The following QTMAN variants were observed in gnomAD, a reference collection of about 807,000 sequenced individuals.
The protein encoded by QTMAN is tRNA-queuosine alpha-mannosyltransferase.
At chr2:144,051,630 A>G in the QTMAN span, among the ~76,000 whole-genome samples, 1 of 152,238 alleles carries the variant, frequency 6.6e-6, no homozygotes, top group African/African-American at 2.4e-5. Context: ...CTGATAATCC[A>G]GTTGATGAGA....
chr2:143,976,506 C>T, the QTMAN span, among the ~76,000 whole-genome samples: 107 of 152,292 alleles, frequency 7.0e-4, no homozygotes, highest in African/African-American at 2.5e-3. Flanking sequence ...ATTTACCACC[C>T]TGTCCTAGCT....
chr2:144,292,346 C>T, the QTMAN span, among the ~76,000 whole-genome samples: 1,321 of 152,282 alleles, frequency 8.7e-3, 14 homozygotes, highest in African/African-American at 0.03. Flanking sequence ...GCCTAAAATA[C>T]CCTTTTCCCA....
At chr2:144,116,627 T>C in the QTMAN span, among the ~76,000 whole-genome samples, 1 of 152,156 alleles carries the variant, frequency 6.6e-6, no homozygotes, top group African/African-American at 2.4e-5. Context: ...ATTTCAGCTG[T>C]TCCACTCAAC....
the QTMAN span, among the ~76,000 whole-genome samples, chr2:143,991,868 G>A: frequency 6.7e-5 from 10 of 149,358 alleles, no homozygotes; most frequent in Non-Finnish European, 7.4e-5. Context: ...GGGAAGTGAG[G>A]AGACCCTCTG....
the QTMAN span, among the ~76,000 whole-genome samples, chr2:143,989,620 C>A: frequency 6.6e-6 from 1 of 152,050 alleles, no homozygotes; most frequent in Non-Finnish European, 1.5e-5. Context: ...GTAAACATAC[C>A]CTCATACTTC....
At chr2:144,282,958 C>T in the QTMAN span, among the ~76,000 whole-genome samples, 2 of 152,196 alleles carry the variant, frequency 1.3e-5, no homozygotes, top group Non-Finnish European at 2.9e-5. Context: ...TGAATACATC[C>T]ACGTGCTCAG....
At chr2:143,977,632 C>G in the QTMAN span, among the ~76,000 whole-genome samples, 1 of 152,044 alleles carries the variant, frequency 6.6e-6, no homozygotes, top group South Asian at 2.1e-4. Flanking sequence ...GGCAGACAGA[C>G]AGAAGCAAGG....
chr2:144,139,427 A>T, the QTMAN span, among the ~76,000 whole-genome samples: 1 of 152,032 alleles, frequency 6.6e-6, no homozygotes, highest in East Asian at 1.9e-4. Flanking sequence ...ACATTATTTC[A>T]TTTAATCACT....
At chr2:144,220,323 C>T in the QTMAN span, among the ~76,000 whole-genome samples, 1 of 152,122 alleles carries the variant, frequency 6.6e-6, no homozygotes, top group Non-Finnish European at 1.5e-5. Flanking sequence ...AAAAGGTATA[C>T]ATAGACAACT....
At chr2:144,245,468 T>A in the QTMAN span, among the ~76,000 whole-genome samples, 4 of 152,206 alleles carry the variant, frequency 2.6e-5, no homozygotes, top group African/African-American at 9.7e-5. Context: ...TCAAACTTTA[T>A]CTACTTAAGA....
chr2:143,995,138 A>G, the QTMAN span, among the ~76,000 whole-genome samples: 1 of 152,296 alleles, frequency 6.6e-6, no homozygotes, highest in East Asian at 1.9e-4. Flanking sequence ...TCTAACTAAC[A>G]ATCATAAAAA....
chr2:144,118,034 GA>G, the QTMAN span, among the ~76,000 whole-genome samples: 1 of 152,056 alleles, frequency 6.6e-6, no homozygotes, highest in African/African-American at 2.4e-5. Flanking sequence ...TTTTAGTAGA[GA>G]GGGGGTTTCA....
the QTMAN span, among the ~76,000 whole-genome samples, chr2:144,017,915 T>C: frequency 3.3e-5 from 5 of 152,198 alleles, no homozygotes; most frequent in African/African-American, 1.2e-4. Context: ...ACTTTAGCCA[T>C]CCACTTAAGG....
At chr2:144,028,135 T>C in the QTMAN span, among the ~76,000 whole-genome samples, 166 of 152,320 alleles carry the variant, frequency 1.1e-3, no homozygotes, top group African/African-American at 3.8e-3. Context: ...CCTATTTTCA[T>C]AGAAAAGAAA....
At chr2:144,034,324 A>C in the QTMAN span, among the ~76,000 whole-genome samples, 1 of 152,202 alleles carries the variant, frequency 6.6e-6, no homozygotes. Context: ...CCATGTGTAC[A>C]CACACCACCA....
the QTMAN span, among the ~76,000 whole-genome samples, chr2:144,247,665 G>A: frequency 6.6e-6 from 1 of 152,090 alleles, no homozygotes; most frequent in African/African-American, 2.4e-5. Flanking sequence ...CTAGAGAAAG[G>A]ACCACAGTAT....
At chr2:144,201,473 G>A in the QTMAN span, among the ~76,000 whole-genome samples, 22 of 152,278 alleles carry the variant, frequency 1.4e-4, 1 homozygote, top group South Asian at 4.1e-3. Context: ...TGCATACTCT[G>A]GATTTTACAT....
chr2:143,959,817 C>G, the QTMAN span, among the ~76,000 whole-genome samples: 1 of 151,762 alleles, frequency 6.6e-6, no homozygotes, highest in African/African-American at 2.4e-5. Flanking sequence ...ATTCACAAAT[C>G]AGTAATATTT....
chr2:144,332,379 G>A, the QTMAN span: 1 of 148,424 alleles, frequency 6.7e-6, no homozygotes, highest in Admixed American at 6.7e-5. Context: ...GGGAGGGGAG[G>A]GGCCGCGCTC....
Sources: gnomAD v4.1 joint callset for allele counts (sites outside exome capture counted in the v4.1 genomes callset) on GRCh38, gnomAD v4.1.1 for gene constraint, MANE v1.5 for transcripts, NCBI Gene and HGNC (gene_info 2026-07-23, HGNC 2026-07-21) for gene names.